ATG12: variants seen among roughly 807,000 people sequenced by gnomAD.
ATG12 encodes the protein ubiquitin-like protein ATG12.
In ATG12, 19 loss-of-function variants were observed where a neutral mutation model predicts 17.6. The observed-to-expected ratio is 1.08, with a 90% CI of 0.75 to 1.58. The LOEUF (loss-of-function observed/expected upper bound fraction) is 1.58, where lower values mean the gene tolerates loss of function less well. Ranked by LOEUF, ATG12 falls within the 40% of genes most tolerant of loss-of-function variation. ATG12 has a pLI of 0.00. For synonymous variants in ATG12, 75 were observed against 62.4 expected, an observed-to-expected ratio of 1.20 and a Z score of -0.95; for missense variants, 214 against 162.0, an observed-to-expected ratio of 1.32 and a Z score of -1.74.
In ATG12 at chr5:115,840,919, G is replaced by A. The variant is rs963409954; in HGVS notation, c.163+471C>T. 1.6e-5 allele frequency: 20 copies of A among 1,285,576 alleles called. No homozygotes were observed. In the African/African-American group the frequency reaches 2.3e-4, roughly 15 times the overall value. 79.6% of individuals were successfully genotyped at this position (1,285,576 alleles called of 1,614,324 possible). A position where few individuals can be genotyped will look rare whatever the true frequency, so the allele number is the denominator to read the frequency against. ...AAGAATTTGGTTTTTGGTTTAAGGA[G>A]TGAATTCACAACCAACTGGGAGGGG... On this transcript the variant is annotated intron_variant, in intron 1 of 3. Transcript: ENST00000509910.
At chr5:115,838,681 A>G (rs1561454130) in intron 1 of ATG12, 1 of 152,264 alleles carries the variant, frequency 6.6e-6, no homozygotes, top group Non-Finnish European at 1.5e-5. Flanking sequence ...CCAAAGCCAA[A>G]AAGAAGTTGC....
Position 115,832,604 on chromosome 5 carries a change from C to G in ATG12, c.361G>C (p.Glu121Gln). The change falls in exon 3 of 4, where the codon GAG becomes CAG. Residue 121 changes from glutamate (E) to glutamine (Q), a missense_variant and splice_region_variant. Physicochemically the swap from Glu to Gln is conservative, Grantham distance 29. Coordinates refer to ENST00000509910, the MANE Select transcript of ATG12 (RefSeq NM_004707.4). Reference sequence around the variant, plus strand: ...TTTTTTTTTTTTTTTTTTTTTACCTCATAGAGAGTTCCAACTTCTTGGTCT... The same window carrying G: ...TTTTTTTTTTTTTTTTTTTTTACCTGATAGAGAGTTCCAACTTCTTGGTCT... ...SPDQEVGTLY[E>Q]CFGSDGKLVL... 4 of 540,524 alleles carry G rather than the reference C, an allele frequency of 7.4e-6. No homozygotes were observed. The highest frequency in any genetic ancestry group is 5.9e-6 in the Non-Finnish European group (2 of 337,488). 33.5% of individuals were successfully genotyped at this position (540,524 alleles called of 1,614,324 possible).
In ATG12 at chr5:115,841,536, T is replaced by A. The variant is rs143399481; in HGVS notation, c.17A>T (p.Gln6Leu). Residue 6 changes from glutamine to leucine, a missense_variant, in exon 1 of 4, where the codon CAG becomes CTG. Physicochemically the swap from Gln to Leu is moderately radical, Grantham distance 113. Coordinates refer to ENST00000509910, the MANE Select transcript of ATG12 (RefSeq NM_004707.4). Reference sequence around the variant, plus strand: ...TGAAGTAGGAAGCTGCAACACAGACTGCGGCTCCTCCGCCATCTTGCTTGG... The same window carrying A: ...TGAAGTAGGAAGCTGCAACACAGACAGCGGCTCCTCCGCCATCTTGCTTGG... MAEEP[Q>L]SVLQLPTSIA... 271 of 1,613,578 alleles carry A rather than the reference T, an allele frequency of 1.7e-4. No individual in the cohort carries two copies. The highest frequency in any genetic ancestry group is 3.3e-4 in the Middle Eastern group (2 of 6,052).
chr5:115,832,574 T>A, intron 3 of ATG12, 28 bp downstream of exon 3: 6 of 342,360 alleles, frequency 1.8e-5, no homozygotes, highest in East Asian at 2.6e-4. Flanking sequence ...TTTCTTTCTT[T>A]TTTTTTTTTT....
chr5:115,838,971 A>G (rs2112730175), intron 1 of ATG12: 1 of 151,940 alleles, frequency 6.6e-6, no homozygotes, highest in East Asian at 1.9e-4. Flanking sequence ...AAAATACAAA[A>G]ACTTAGCCAG....
Position 115,830,749 on chromosome 5 carries a change from T to A in ATG12, c.*1055A>T, listed in dbSNP as rs1355044389. On this transcript the variant is annotated 3_prime_UTR_variant, in exon 4 of 4. Transcript: ENST00000509910. ...CCAGGCTGGTCTCAAACTTGTGGCTTCACGCAATCCCCACACCTCAGCCTT... is the reference window on the plus strand; with the variant it reads ...CCAGGCTGGTCTCAAACTTGTGGCTACACGCAATCCCCACACCTCAGCCTT... The A allele has an allele frequency of 6.6e-6, 1 of 152,158 alleles. No individual in the cohort carries two copies. Among genetic ancestry groups the A allele is most frequent in the East Asian group, 1.9e-4 (1 of 5,200 alleles). 9.4% of individuals were successfully genotyped at this position (152,158 alleles called of 1,614,324 possible).
At chr5:115,831,894 C>A (rs1760885247) in intron 3 of ATG12, 31 bp from the exon 4 acceptor site, 2 of 1,535,436 alleles carry the variant, frequency 1.3e-6, no homozygotes, top group Non-Finnish European at 1.7e-6. Flanking sequence ...AAATCAAACT[C>A]AATCTTTTAT....
Position 115,829,483 on chromosome 5 carries a change from A to C in ATG12, c.*2321T>G, listed in dbSNP as rs922275491. On this transcript the variant is annotated 3_prime_UTR_variant, in exon 4 of 4. Coordinates refer to ENST00000509910, the MANE Select transcript of ATG12 (RefSeq NM_004707.4). ...CTTAAATATGGTGAATTCATTATGA[A>C]GTCTTTGGCATACTTTTAAAGATGG... 8 of 152,184 alleles carry C rather than the reference A, an allele frequency of 5.3e-5. No homozygotes were observed. Among genetic ancestry groups the C allele is most frequent in the Admixed American group, 1.3e-4 (2 of 15,268 alleles). The allele number at this position is 152,184 out of a possible 1,614,324, so 9.4% of individuals were successfully genotyped here.
intron 3 of ATG12, 117 bp from the exon 4 acceptor site, chr5:115,831,980 G>C (rs1270947293): frequency 1.1e-6 from 1 of 898,276 alleles, no homozygotes; most frequent in South Asian, 1.6e-5. Context: ...AGTTACCTAT[G>C]TTACAGGCTA....
rs898168789 is a variant in ATG12 at position 115,830,068 on chromosome 5, G to A, written c.*1736C>T. ...GGAGGTAGAGGTTGCAATGAGCCAA[G>A]ATTGTGCCATTACAGTCCAGCCTGG... On this transcript the variant is annotated 3_prime_UTR_variant, in exon 4 of 4. Transcript: ENST00000509910. 28 of 141,136 alleles carry A rather than the reference G, an allele frequency of 2.0e-4. No individual in the cohort carries two copies. The highest frequency in any genetic ancestry group is 7.3e-4 in the African/African-American group (28 of 38,134). The allele number at this position is 141,136 out of a possible 1,614,324, so 8.7% of individuals were successfully genotyped here. A position where few individuals can be genotyped will look rare whatever the true frequency, so the allele number is the denominator to read the frequency against.
In ATG12 at chr5:115,832,779, C is replaced by G. The variant is rs1760941598; in HGVS notation, c.301-115G>C. On this transcript the variant is annotated intron_variant, in intron 2 of 3. Transcript: ENST00000509910. ...TTGTTTTCACAATTGAAGAAAGCTT[C>G]TCTGAACTCCTAACTTTTCTAAATA... The G allele has an allele frequency of 4.1e-6, 4 of 977,476 alleles. No individual in the cohort carries two copies. The East Asian group carries it at 1.1e-4, about 28-fold the overall frequency. 60.6% of individuals were successfully genotyped at this position (977,476 alleles called of 1,614,324 possible). A position where few individuals can be genotyped will look rare whatever the true frequency, so the allele number is the denominator to read the frequency against.
intron 2 of ATG12, among the ~76,000 whole-genome samples, chr5:115,835,858 CAT>C (rs1761075292): frequency 6.6e-6 from 1 of 152,064 alleles, no homozygotes; most frequent in Non-Finnish European, 1.5e-5. Context: ...TCCCCACCAA[CAT>C]GTGTTTTGGG....
intron 2 of ATG12, among the ~76,000 whole-genome samples, chr5:115,835,896 G>C (rs1340946734): frequency 2.0e-5 from 3 of 152,004 alleles, no homozygotes; most frequent in Non-Finnish European, 4.4e-5. Context: ...TTATCACCTA[G>C]TTTTGTTACA....
intron 2 of ATG12, among the ~76,000 whole-genome samples, chr5:115,837,410 G>C (rs1761150309): frequency 6.6e-6 from 1 of 151,756 alleles, no homozygotes; most frequent in South Asian, 2.1e-4. Flanking sequence ...CTTGAACCAG[G>C]AGGAGAAGGT....
intron 1 of ATG12, chr5:115,840,924 T>C (rs1033083459): frequency 1.6e-6 from 2 of 1,280,946 alleles, no homozygotes; most frequent in African/African-American, 3.1e-5. Context: ...AAGGAGTGAA[T>C]TCACAACCAA....
intron 1 of ATG12, chr5:115,839,093 A>G (rs1457096717): frequency 6.8e-6 from 1 of 148,088 alleles, no homozygotes; most frequent in African/African-American, 2.5e-5. Flanking sequence ...ACTGCACTCC[A>G]GCCTGGGTGA....
rs1243620803 is a variant in ATG12 at position 115,829,139 on chromosome 5, T to G, written c.*2665A>C. 1 of 152,212 alleles carries G rather than the reference T, an allele frequency of 6.6e-6. No homozygotes were observed. Among genetic ancestry groups the G allele is most frequent in the African/African-American group, 2.4e-5 (1 of 41,456 alleles). 9.4% of individuals were successfully genotyped at this position (152,212 alleles called of 1,614,324 possible). ...AATAGTAGTATTTGCTGAACTGTTTTCTGAATAGTTTTCATTACGTGGCCT... is the reference window on the plus strand; with the variant it reads ...AATAGTAGTATTTGCTGAACTGTTTGCTGAATAGTTTTCATTACGTGGCCT... On this transcript the variant is annotated 3_prime_UTR_variant, in exon 4 of 4. Coordinates refer to ENST00000509910, the MANE Select transcript of ATG12 (RefSeq NM_004707.4).
At chr5:115,835,789 A>G (rs555384601) in intron 2 of ATG12, among the ~76,000 whole-genome samples, 1 of 152,094 alleles carries the variant, frequency 6.6e-6, no homozygotes, top group Non-Finnish European at 1.5e-5. Flanking sequence ...CCTGTTTCTT[A>G]CTGCTTCTTT....
At position 115,832,568 on chromosome 5, in the gene ATG12, TTTC is replaced by T. The variant is rs1404622028; in HGVS notation, c.363+31_363+33del. 776 of 991,176 alleles carry T rather than the reference TTTC, an allele frequency of 7.8e-4. 19 individuals carry two copies. Among genetic ancestry groups the T allele is most frequent in the African/African-American group, 5.6e-3 (263 of 47,174 alleles). 61.4% of individuals were successfully genotyped at this position (991,176 alleles called of 1,614,324 possible). ...ATTAAGAAAAAAAAGCAGTAATTTC[TTTC>T]TTTTTTTTTTTTTTTTTTTTTTTTT... On this transcript the variant is annotated intron_variant, in intron 3 of 3. Coordinates refer to ENST00000509910, the MANE Select transcript of ATG12 (RefSeq NM_004707.4).
Sources: allele counts gnomAD v4.1 joint callset (sites outside exome capture counted in the v4.1 genomes callset), GRCh38; gene constraint gnomAD v4.1.1; transcripts MANE v1.5; gene names NCBI Gene and HGNC (gene_info 2026-07-23, HGNC 2026-07-21).